Variants in HMGB1 observed in about 807,000 individuals in gnomAD.
The protein encoded by HMGB1 is high mobility group protein B1.
For synonymous variants in HMGB1, 81 were observed against 84.0 expected (o/e 0.96, Z 0.19); for missense variants, 79 against 253.5 (o/e 0.31, Z 4.67).
At chr13:30,589,768 G>A (rs1481920035) in intron 1 of HMGB1, among the ~76,000 whole-genome samples, 1 of 152,078 alleles carries the variant, frequency 6.6e-6, no homozygotes, top group Non-Finnish European at 1.5e-5. Flanking sequence ...TACTCAGGAG[G>A]CTGAGGCATT....
At chr13:30,472,570 C>T (rs1211282255) in intron 1 of HMGB1, among the ~76,000 whole-genome samples, 8 of 152,188 alleles carry the variant, frequency 5.3e-5, no homozygotes, top group Non-Finnish European at 1.0e-4. Context: ...CACTGCACTC[C>T]AGCCTGGGCT....
intron 1 of HMGB1, among the ~76,000 whole-genome samples, chr13:30,562,821 T>C (rs1566026089): frequency 6.6e-6 from 1 of 152,164 alleles, no homozygotes. Flanking sequence ...AACTAGCCAA[T>C]CAGGGGGAAA....
chr13:30,552,523 G>C (rs1345061217), intron 1 of HMGB1, among the ~76,000 whole-genome samples: 1 of 152,114 alleles, frequency 6.6e-6, no homozygotes, highest in African/African-American at 2.4e-5. Flanking sequence ...TCCACACACA[G>C]AATACACTGG....
intron 1 of HMGB1, among the ~76,000 whole-genome samples, chr13:30,506,800 C>T (rs999716483): frequency 3.5e-4 from 53 of 152,276 alleles, no homozygotes; most frequent in Admixed American, 9.2e-4. Context: ...GGTTACCTGG[C>T]ACTTCTGTCC....
chr13:30,513,439 G>T (rs749456748), intron 1 of HMGB1, among the ~76,000 whole-genome samples: 1 of 152,188 alleles, frequency 6.6e-6, no homozygotes, highest in Non-Finnish European at 1.5e-5. Flanking sequence ...CTGCACAGGT[G>T]TGTGTGAGTT....
chr13:30,524,279 T>C (rs1471841176), intron 1 of HMGB1, among the ~76,000 whole-genome samples: 3 of 149,050 alleles, frequency 2.0e-5, no homozygotes, highest in Non-Finnish European at 1.5e-5. Flanking sequence ...ATAGCACATG[T>C]ATACCTATTA....
chr13:30,569,090 G>T (rs973671847), intron 1 of HMGB1, among the ~76,000 whole-genome samples: 1 of 151,900 alleles, frequency 6.6e-6, no homozygotes, highest in African/African-American at 2.4e-5. Context: ...CAGAAGAATC[G>T]CTTGAACCCA....
intron 1 of HMGB1, among the ~76,000 whole-genome samples, chr13:30,609,139 T>C (rs1950489193): frequency 6.6e-6 from 1 of 152,142 alleles, no homozygotes; most frequent in African/African-American, 2.4e-5. Context: ...GGTGGGAGCC[T>C]GTAGTCCCAG....
intron 1 of HMGB1, among the ~76,000 whole-genome samples, chr13:30,536,262 T>C (rs1396501349): frequency 2.6e-5 from 4 of 152,248 alleles, no homozygotes; most frequent in Admixed American, 6.5e-5. Flanking sequence ...AAACATAATA[T>C]TGACTTCCTA....
chr13:30,500,739 T>G (rs1183385983), intron 1 of HMGB1, among the ~76,000 whole-genome samples: 2 of 151,090 alleles, frequency 1.3e-5, no homozygotes, highest in Admixed American at 6.6e-5. Flanking sequence ...TTTTTTTTTT[T>G]TTGAGATGGA....
At chr13:30,578,697 T>G (rs1870771489) in intron 1 of HMGB1, among the ~76,000 whole-genome samples, 1 of 152,138 alleles carries the variant, frequency 6.6e-6, no homozygotes, top group South Asian at 2.1e-4. Context: ...AAGTCTAACC[T>G]CCTTAGCAAG....
intron 1 of HMGB1, among the ~76,000 whole-genome samples, chr13:30,477,652 A>C (rs1887129369): frequency 6.6e-6 from 1 of 152,258 alleles, no homozygotes; most frequent in South Asian, 2.1e-4. Flanking sequence ...GGAAATGCAA[A>C]GATGCTTGCA....
chr13:30,564,981 C>T (rs1870127909), intron 1 of HMGB1, among the ~76,000 whole-genome samples: 1 of 152,174 alleles, frequency 6.6e-6, no homozygotes, highest in East Asian at 1.9e-4. Flanking sequence ...CACATGATAG[C>T]TACAATTAAT....
At chr13:30,467,087 CTGTAGAGAAAATGTGCTGGCTGTAG>C (rs1236812045), upstream of HMGB1, among the ~76,000 whole-genome samples, 3 of 152,364 alleles carry the variant, frequency 2.0e-5, no homozygotes, top group East Asian at 5.8e-4. Flanking sequence ...ATACTTACGT[CTGTAGAGAAAATGTGCTGGCTGTAG>C]TGGCCAGTTC....
chr13:30,603,600 TGGTTCTA>T (rs914695830), intron 1 of HMGB1, among the ~76,000 whole-genome samples: 35 of 152,270 alleles, frequency 2.3e-4, no homozygotes, highest in Admixed American at 1.6e-3. Context: ...TGTGGGGAAT[TGGTTCTA>T]GGACTCCCTA....
chr13:30,461,179 G>A lies in HMGB1; in HGVS notation c.*178C>T, dbSNP rs1318130041. On this transcript the variant is annotated 3_prime_UTR_variant, in exon 5 of 5. Transcript: ENST00000341423. ...GGCTATTGAAAATACCACCAGGACA[G>A]GGCTATCTAAAGACACATTCGGTAG... The A allele has an allele frequency of 3.0e-6, 4 of 1,317,738 alleles. No individual in the cohort carries two copies. The highest frequency in any genetic ancestry group is 4.0e-6 in the Non-Finnish European group (4 of 1,006,006). The allele number at this position is 1,317,738 out of a possible 1,614,324, so 81.6% of individuals were successfully genotyped here. A position where few individuals can be genotyped will look rare whatever the true frequency, so the allele number is the denominator to read the frequency against.
chr13:30,515,686 TAA>T lies in HMGB1; in HGVS notation c.-14-51994_-14-51993del, dbSNP rs537265855. On this transcript the variant is annotated intron_variant, in intron 1 of 4. Transcript: ENST00000405805. ...GCTCATTTTATATTTATTGAATTGC[TAA>T]AAAAAAAAAAAAAAGCCCACATTAT... 4.1e-4 allele frequency among the ~76,000 whole-genome samples: 47 copies of T among 114,260 alleles called. 2 individuals are homozygous for T. In the South Asian group the frequency reaches 6.8e-3, roughly 17 times the overall value. 75.0% of individuals were successfully genotyped at this position (114,260 alleles called of 152,430 possible). A position where few individuals can be genotyped will look rare whatever the true frequency, so the allele number is the denominator to read the frequency against.
chr13:30,497,524 G>T (rs1201925348), intron 1 of HMGB1, among the ~76,000 whole-genome samples: 3 of 151,618 alleles, frequency 2.0e-5, no homozygotes, highest in Non-Finnish European at 4.4e-5. Context: ...GTGTCATGGG[G>T]GCTTGGTGTA....
chr13:30,532,995 C>T (rs530948537), intron 1 of HMGB1, among the ~76,000 whole-genome samples: 3 of 152,280 alleles, frequency 2.0e-5, no homozygotes, highest in South Asian at 2.1e-4. Flanking sequence ...CCCACTTTTA[C>T]AAAAGAGGCA....
Sources: gnomAD v4.1 joint callset for allele counts (sites outside exome capture counted in the v4.1 genomes callset) on GRCh38, gnomAD v4.1.1 for gene constraint, MANE v1.5 for transcripts, NCBI Gene and HGNC (gene_info 2026-07-23, HGNC 2026-07-21) for gene names.